The following CTNNA3 variants were observed in gnomAD, a reference collection of about 807,000 sequenced individuals.
The protein encoded by CTNNA3 is catenin alpha 3.
Under a neutral mutation model 95.7 loss-of-function variants are expected in CTNNA3, and 76 were observed. The ratio of observed to expected loss-of-function variants is 0.79; its 90% CI spans 0.66 to 0.96. CTNNA3 has a LOEUF of 0.96. Among genes scored for constraint, CTNNA3 ranks in the 40% least tolerant of loss-of-function variants. CTNNA3 has a pLI of 0.00. For synonymous variants in CTNNA3, 431 were observed against 374.4 expected (o/e 1.15, Z -1.74); for missense variants, 1,191 against 1,089.8 (o/e 1.09, Z -1.31).
intron 9 of CTNNA3, among the ~76,000 whole-genome samples, chr10:66,739,836 A>T (rs1438771692): frequency 6.6e-6 from 1 of 152,214 alleles, no homozygotes; most frequent in Non-Finnish European, 1.5e-5. Flanking sequence ...AGACACAAAC[A>T]TATACATAAA....
intron 7 of CTNNA3, among the ~76,000 whole-genome samples, chr10:66,983,174 C>T (rs1850540259): frequency 1.3e-5 from 2 of 152,268 alleles, no homozygotes; most frequent in Admixed American, 1.3e-4. Context: ...TTTGAAAACA[C>T]TGCAGTGTCT....
At chr10:67,709,179 T>A (rs1319985113) in intron 1 of CTNNA3, among the ~76,000 whole-genome samples, 1 of 152,170 alleles carries the variant, frequency 6.6e-6, no homozygotes, top group African/African-American at 2.4e-5. Context: ...AGTAGTGACA[T>A]GATTTTTCTA....
intron 6 of CTNNA3, among the ~76,000 whole-genome samples, chr10:67,215,633 A>T (rs1426276036): frequency 6.6e-6 from 1 of 152,152 alleles, no homozygotes; most frequent in Non-Finnish European, 1.5e-5. Flanking sequence ...TCCAACATGG[A>T]TTCTGTTCCT....
chr10:66,760,908 T>C (rs1034074401), intron 9 of CTNNA3, among the ~76,000 whole-genome samples: 151 of 152,138 alleles, frequency 9.9e-4, no homozygotes, highest in Non-Finnish European at 5.9e-5. Flanking sequence ...ACAGGAGAGC[T>C]GCCAAGATGC....
chr10:66,162,539 C>T (rs1427264931), intron 13 of CTNNA3, among the ~76,000 whole-genome samples: 1 of 152,080 alleles, frequency 6.6e-6, no homozygotes, highest in Non-Finnish European at 1.5e-5. Flanking sequence ...GTTGTCTGTA[C>T]AGAGTCCTGT....
chr10:65,971,464 G>A lies in CTNNA3; in HGVS notation c.2266-4718C>T, dbSNP rs189269281. 1.6e-3 allele frequency among the ~76,000 whole-genome samples: 228 copies of A among 146,608 alleles called. 2 individuals carry two copies. The Middle Eastern group carries it at 0.022, about 14-fold the overall frequency. ...AAAAAAAGAGAGAGGATTCAAATAAGCACAGTCAGAAGTTATAAAAGTGAC... is the reference window on the plus strand; with the variant it reads ...AAAAAAAGAGAGAGGATTCAAATAAACACAGTCAGAAGTTATAAAAGTGAC... On this transcript the variant is annotated intron_variant, in intron 16 of 17. Coordinates refer to ENST00000433211, the MANE Select transcript of CTNNA3 (RefSeq NM_013266.4).
intron 1 of CTNNA3, among the ~76,000 whole-genome samples, chr10:67,653,725 A>G (rs926834853): frequency 2.0e-5 from 3 of 152,054 alleles, no homozygotes; most frequent in Non-Finnish European, 4.4e-5. Flanking sequence ...TGGGATTATC[A>G]CCCAAATAAA....
chr10:67,203,642 T>C (rs1863748138), intron 6 of CTNNA3, among the ~76,000 whole-genome samples: 1 of 152,158 alleles, frequency 6.6e-6, no homozygotes, highest in Admixed American at 6.5e-5. Flanking sequence ...TTTATTACAC[T>C]TTACCTGAAA....
intron 17 of CTNNA3, among the ~76,000 whole-genome samples, chr10:65,943,240 A>AT (rs2077457192): frequency 6.6e-6 from 1 of 151,684 alleles, no homozygotes; most frequent in Non-Finnish European, 1.5e-5. Context: ...ATTTTTTTGT[A>AT]TTTTTAGTAG....
At chr10:66,226,599 C>T (rs1053000716) in intron 13 of CTNNA3, among the ~76,000 whole-genome samples, 3 of 149,856 alleles carry the variant, frequency 2.0e-5, no homozygotes, top group African/African-American at 7.4e-5. Flanking sequence ...GAAGCATGTC[C>T]TAAGTTTGGA....
intron 12 of CTNNA3, among the ~76,000 whole-genome samples, chr10:66,333,100 T>C (rs1236623168): frequency 1.3e-5 from 2 of 152,064 alleles, no homozygotes; most frequent in Non-Finnish European, 2.9e-5. Context: ...TTATTGAATC[T>C]ATTTGATTCT....
chr10:67,734,312 A>G (rs1039723472), intron 1 of CTNNA3, among the ~76,000 whole-genome samples: 3 of 152,232 alleles, frequency 2.0e-5, no homozygotes, highest in Non-Finnish European at 4.4e-5. Context: ...CAACAATTAT[A>G]TGTTCTGAAT....
At chr10:66,742,471 T>A (rs557107973) in intron 9 of CTNNA3, among the ~76,000 whole-genome samples, 96 of 152,290 alleles carry the variant, frequency 6.3e-4, no homozygotes, top group Non-Finnish European at 1.3e-3. Context: ...TGATATCTTA[T>A]TACCTTGTGA....
intron 11 of CTNNA3, among the ~76,000 whole-genome samples, chr10:66,390,164 T>C (rs765863993): frequency 2.0e-5 from 3 of 152,206 alleles, no homozygotes; most frequent in African/African-American, 4.8e-5. Flanking sequence ...TAGAATTTTA[T>C]AAATCTATAG....
chr10:67,407,128 G>T (rs371550284), intron 5 of CTNNA3, among the ~76,000 whole-genome samples: 1 of 151,790 alleles, frequency 6.6e-6, no homozygotes, highest in African/African-American at 2.4e-5. Flanking sequence ...AGAAAACTTC[G>T]GGCCAATATC....
At chr10:66,611,404 T>C (rs1844325590) in intron 10 of CTNNA3, among the ~76,000 whole-genome samples, 1 of 151,962 alleles carries the variant, frequency 6.6e-6, no homozygotes, top group Non-Finnish European at 1.5e-5. Context: ...AAAATATATA[T>C]AACTATGATA....
chr10:66,084,135 C>CAAAAAAAAAAAAAAGAAA (rs200266418), intron 14 of CTNNA3, among the ~76,000 whole-genome samples: 1 of 80,104 alleles, frequency 1.2e-5, no homozygotes, highest in Non-Finnish European at 2.6e-5. Context: ...AACTTCATCT[C>CAAAAAAAAAAAAAAGAAA]AAAAAAAAAA....
At chr10:67,026,164 C>T (rs985323324) in intron 7 of CTNNA3, among the ~76,000 whole-genome samples, 21 of 149,930 alleles carry the variant, frequency 1.4e-4, no homozygotes, top group East Asian at 3.9e-4. Flanking sequence ...TGCTAAATGA[C>T]GAGTTAATGG....
At chr10:67,088,165 A>G (rs1857417258) in intron 7 of CTNNA3, among the ~76,000 whole-genome samples, 1 of 151,426 alleles carries the variant, frequency 6.6e-6, no homozygotes, top group Non-Finnish European at 1.5e-5. Flanking sequence ...CTTTTCCTAC[A>G]TGGAATCCTC....
Sources: gnomAD v4.1 joint callset for allele counts (sites outside exome capture counted in the v4.1 genomes callset) on GRCh38, gnomAD v4.1.1 for gene constraint, MANE v1.5 for transcripts, NCBI Gene and HGNC (gene_info 2026-07-23, HGNC 2026-07-21) for gene names.